Variants in PDE3A observed in about 807,000 individuals in gnomAD.
PDE3A encodes the protein phosphodiesterase 3A, also known as cGMP-inhibited 3',5'-cyclic phosphodiesterase 3A.
A neutral mutation model predicts 98.3 loss-of-function variants in PDE3A; 43 were observed. That is an observed-to-expected ratio of 0.44 (90% CI 0.34 to 0.56). The LOEUF (loss-of-function observed/expected upper bound fraction) is 0.56. Among genes scored for constraint, PDE3A ranks in the 20% least tolerant of loss-of-function variants. The pLI, the probability that PDE3A is intolerant of heterozygous loss-of-function variation, is 0.01. For synonymous variants in PDE3A, 663 were observed against 567.9 expected (o/e 1.17, Z -2.38); for missense variants, 1,427 against 1,440.7 (o/e 0.99, Z 0.15).
In PDE3A at chr12:20,369,210, T is replaced by TGCGC. The variant is rs59008318; in HGVS notation, c.-65_-62dup. ...GCGTGCGTGTGTGTGTGTGTGTGTGTGCGCGCGCGCGCGTGGGTCGGGGCG... is the reference window on the plus strand; with the variant it reads ...GCGTGCGTGTGTGTGTGTGTGTGTGTGCGCGCGCGCGCGCGCGTGGGTCGGGGCG... On this transcript the variant is annotated 5_prime_UTR_variant, in exon 1 of 16. Transcript: ENST00000359062. 1.2e-5 allele frequency: 10 copies of TGCGC among 807,750 alleles called. No individual in the cohort carries two copies. 50.0% of individuals were successfully genotyped at this position (807,750 alleles called of 1,614,324 possible).
chr12:20,624,273 C>G (rs1425268042), intron 5 of PDE3A, among the ~76,000 whole-genome samples: 1 of 152,092 alleles, frequency 6.6e-6, no homozygotes, highest in Non-Finnish European at 1.5e-5. Context: ...GTTTGGTTTT[C>G]TCTTCCTGTT....
intron 2 of PDE3A, among the ~76,000 whole-genome samples, chr12:20,574,769 T>G (rs1466589197): frequency 6.6e-6 from 1 of 151,984 alleles, no homozygotes; most frequent in East Asian, 1.9e-4. Flanking sequence ...AAGGTCACAT[T>G]TGTCTCACTG....
rs756964543 is a variant in PDE3A at position 20,369,750 on chromosome 12, C to A, written c.466C>A (p.Arg156Ser). The A allele has an allele frequency of 6.2e-7, 1 of 1,612,266 alleles. No homozygotes were observed. Among genetic ancestry groups the A allele is most frequent in the Non-Finnish European group, 8.5e-7 (1 of 1,179,740 alleles). Residue 156 changes from arginine (R) to serine (S), a missense_variant, in exon 1 of 16, where the codon CGC (arginine) becomes AGC (serine). This residue lies in a region of PDE3A where 1,012 missense variants were observed against 886.5 expected (regional missense o/e 1.14). Transcript: ENST00000359062. ...CTTGTACCTCCTGCGCGCCGGGGTG[C>A]GCCTGCCTCTGGCTGTCGCGCTGCT... ...MGLYLLRAGVRLPLAVALLAA... is the reference protein window; with the variant it reads ...MGLYLLRAGVSLPLAVALLAA...
In PDE3A at chr12:20,629,985, A is replaced by G; in HGVS notation, c.1618A>G (p.Ser540Gly). ...LQGTPASSLV[S>G]KISAVQFPES... Reference sequence around the variant, plus strand: ...AGGGACTCCTGCCAGCAGCCTGGTCAGCAAAATTTCTGCAGTGCAGTTTCC... The same window carrying G: ...AGGGACTCCTGCCAGCAGCCTGGTCGGCAAAATTTCTGCAGTGCAGTTTCC... The change falls in exon 6 of 16, where the codon AGC (serine) becomes GGC (glycine). Residue 540 changes from serine to glycine, a missense_variant. Physicochemically the swap from Ser to Gly is moderately conservative, Grantham distance 56 (BLOSUM62 0). This residue lies in a region of PDE3A where 1,012 missense variants were observed against 886.5 expected (regional missense o/e 1.14). Transcript: ENST00000359062. 6.2e-7 allele frequency: 1 copy of G among 1,614,066 alleles called. No individual in the cohort carries two copies. The highest frequency in any genetic ancestry group is 8.5e-7 in the Non-Finnish European group (1 of 1,179,968).
intron 1 of PDE3A, among the ~76,000 whole-genome samples, chr12:20,497,728 G>T (rs1203895190): frequency 6.6e-6 from 1 of 152,120 alleles, no homozygotes. Flanking sequence ...AATGCAAAAT[G>T]CATCAAAATC....
chr12:20,473,388 G>A (rs1283291543), intron 1 of PDE3A, among the ~76,000 whole-genome samples: 2 of 152,120 alleles, frequency 1.3e-5, no homozygotes, highest in African/African-American at 4.8e-5. Flanking sequence ...TCAGGAATCT[G>A]TATTTTCAAC....
At chr12:20,561,340 T>C (rs1565589593) in intron 2 of PDE3A, among the ~76,000 whole-genome samples, 2 of 152,154 alleles carry the variant, frequency 1.3e-5, no homozygotes, top group South Asian at 2.1e-4. Flanking sequence ...TATGAACCGA[T>C]TGACTTCAGT....
chr12:20,371,843 G>T (rs570905724), intron 1 of PDE3A, among the ~76,000 whole-genome samples: 2 of 152,226 alleles, frequency 1.3e-5, no homozygotes, highest in South Asian at 2.1e-4. Context: ...TCACAGTTAT[G>T]GGAGAGAATG....
chr12:20,553,816 C>T (rs990382805), intron 1 of PDE3A, among the ~76,000 whole-genome samples: 2 of 152,102 alleles, frequency 1.3e-5, no homozygotes, highest in Non-Finnish European at 2.9e-5. Flanking sequence ...CTAAAGACGA[C>T]AGTCTTTGTT....
At chr12:20,657,160 T>C (rs1945062488) in intron 15 of PDE3A, among the ~76,000 whole-genome samples, 1 of 152,224 alleles carries the variant, frequency 6.6e-6, no homozygotes, top group African/African-American at 2.4e-5. Context: ...CATTAGTATT[T>C]ACCAAATATT....
chr12:20,444,504 T>A (rs1218456376), intron 1 of PDE3A, among the ~76,000 whole-genome samples: 1 of 152,242 alleles, frequency 6.6e-6, no homozygotes, highest in Non-Finnish European at 1.5e-5. Flanking sequence ...ATAAACTTAC[T>A]GTTTTAATTC....
chr12:20,615,942 T>A (rs1373697878), intron 3 of PDE3A, among the ~76,000 whole-genome samples: 2 of 152,092 alleles, frequency 1.3e-5, no homozygotes, highest in Non-Finnish European at 2.9e-5. Context: ...CAGGTTGGTC[T>A]CAAACTCCTG....
chr12:20,422,142 C>A (rs374533758), intron 1 of PDE3A, among the ~76,000 whole-genome samples: 157 of 152,128 alleles, frequency 1.0e-3, no homozygotes, highest in African/African-American at 3.7e-3. Context: ...GTCAGGAGAT[C>A]GAGACCATCC....
At chr12:20,541,170 C>A (rs1014602992) in intron 1 of PDE3A, among the ~76,000 whole-genome samples, 7 of 135,494 alleles carry the variant, frequency 5.2e-5, no homozygotes, top group Admixed American at 5.0e-4. Flanking sequence ...AATCGTAGCT[C>A]ACTATAGCCT....
Position 20,552,730 on chromosome 12 carries a change from C to T in PDE3A, c.961-3930C>T. 6.2e-7 allele frequency: 1 copy of T among 1,614,056 alleles called. No individual in the cohort carries two copies. The highest frequency in any genetic ancestry group is 8.5e-7 in the Non-Finnish European group (1 of 1,179,900). On this transcript the variant is annotated intron_variant, in intron 1 of 15. Coordinates refer to ENST00000359062, the MANE Select transcript of PDE3A (RefSeq NM_000921.5). The surrounding 1 kb of genome is among the most constrained non-coding windows in gnomAD (Gnocchi z 5.1). ...GCTGTGGAATGAGGTCCTGGCGTCA[C>T]TCAAGGACCGGCCGGCGAGCGGCAG...
chr12:20,669,308 A>G (rs1264089668), intron 15 of PDE3A, among the ~76,000 whole-genome samples: 2 of 152,196 alleles, frequency 1.3e-5, no homozygotes, highest in Non-Finnish European at 2.9e-5. Context: ...TCCCCAATCT[A>G]GCAAGGCAGG....
intron 2 of PDE3A, among the ~76,000 whole-genome samples, chr12:20,564,823 C>CTAAG (rs1942614503): frequency 6.6e-6 from 1 of 152,054 alleles, no homozygotes; most frequent in Non-Finnish European, 1.5e-5. Flanking sequence ...TTGAATGACC[C>CTAAG]TCTTATGTTG....
intron 1 of PDE3A, among the ~76,000 whole-genome samples, chr12:20,406,168 T>C (rs1944229440): frequency 6.6e-6 from 1 of 152,220 alleles, no homozygotes; most frequent in Non-Finnish European, 1.5e-5. Context: ...ATGTCTTGGC[T>C]TTGTAAATAG....
intron 2 of PDE3A, among the ~76,000 whole-genome samples, chr12:20,561,395 C>T (rs1942516335): frequency 6.6e-6 from 1 of 152,058 alleles, no homozygotes; most frequent in Non-Finnish European, 1.5e-5. Context: ...ATCTTGAATG[C>T]TAGAAAACAT....
Sources: gnomAD v4.1 joint callset for allele counts (sites outside exome capture counted in the v4.1 genomes callset) on GRCh38, gnomAD v4.1.1 for gene constraint, gnomAD v4.1.1 regional missense constraint, Gnocchi (gnomAD v3.1) non-coding constraint, MANE v1.5 for transcripts, NCBI Gene and HGNC (gene_info 2026-07-23, HGNC 2026-07-21) for gene names.